FAF1: variants seen among roughly 807,000 people sequenced by gnomAD.
The protein encoded by FAF1 is FAS-associated factor 1.
Under a neutral mutation model 92.5 loss-of-function variants are expected in FAF1, and 25 were observed. The observed-to-expected ratio is 0.27, with a 90% CI of 0.20 to 0.38. The LOEUF is 0.38. FAF1 is among the 10% of genes least tolerant of loss of function. The pLI, the probability that FAF1 is intolerant of heterozygous loss-of-function variation, is 1.00. For synonymous variants in FAF1, 234 were observed against 273.2 expected, an observed-to-expected ratio of 0.86 and a Z score of 1.42; for missense variants, 636 against 793.3, an observed-to-expected ratio of 0.80 and a Z score of 2.38.
chr1:50,855,563 A>G (rs1570057364), intron 2 of FAF1, among the ~76,000 whole-genome samples: 1 of 152,006 alleles, frequency 6.6e-6, no homozygotes, highest in East Asian at 1.9e-4. Context: ...ACAAACTATA[A>G]CACACAGGCA....
intron 1 of FAF1, among the ~76,000 whole-genome samples, chr1:50,938,389 C>T (rs1417915674): frequency 6.6e-6 from 1 of 152,168 alleles, no homozygotes; most frequent in Non-Finnish European, 1.5e-5. Context: ...CACCAGTACC[C>T]TTTCATCAAA....
At chr1:50,911,363 C>T (rs1442963713) in intron 1 of FAF1, among the ~76,000 whole-genome samples, 3 of 151,402 alleles carry the variant, frequency 2.0e-5, no homozygotes, top group African/African-American at 4.8e-5. Flanking sequence ...TGAGCCACCA[C>T]ACCTGGCTGC....
chr1:50,502,048 A>G (rs1017830830), intron 15 of FAF1, among the ~76,000 whole-genome samples: 3 of 152,224 alleles, frequency 2.0e-5, no homozygotes, highest in Admixed American at 2.0e-4. Context: ...TGTACAGAGC[A>G]GACAGGTGTG....
At chr1:50,747,066 C>A (rs1319410791) in intron 4 of FAF1, among the ~76,000 whole-genome samples, 2 of 152,188 alleles carry the variant, frequency 1.3e-5, no homozygotes. Flanking sequence ...CAGGCAGAAG[C>A]CCTCATGGAG....
intron 6 of FAF1, among the ~76,000 whole-genome samples, chr1:50,716,545 T>C (rs1423327499): frequency 6.6e-6 from 1 of 152,192 alleles, no homozygotes; most frequent in African/African-American, 2.4e-5. Flanking sequence ...TGTGTCTAGC[T>C]AGACAATTGT....
At chr1:50,576,379 T>G (rs1382192331) in intron 12 of FAF1, among the ~76,000 whole-genome samples, 1 of 152,182 alleles carries the variant, frequency 6.6e-6, no homozygotes, top group Non-Finnish European at 1.5e-5. Flanking sequence ...TGGTGTGAAG[T>G]CAGATCTTTG....
rs377267905 is a variant in FAF1 at position 50,799,003 on chromosome 1, G to A, written c.161+2628C>T. Among the ~76,000 whole-genome samples the A allele has an allele frequency of 1.9e-4, 29 of 152,192 alleles. No homozygotes were observed. The South Asian group carries it at 4.6e-3, about 24-fold the overall frequency. On this transcript the variant is annotated intron_variant, in intron 3 of 18. Coordinates refer to ENST00000396153, the MANE Select transcript of FAF1 (RefSeq NM_007051.3). ...CAAGTTGTATTTTTAGTAGAGACAGGGTTTTACCATGTTGGCCAGGCTGGT... is the reference window on the plus strand; with the variant it reads ...CAAGTTGTATTTTTAGTAGAGACAGAGTTTTACCATGTTGGCCAGGCTGGT...
chr1:50,693,338 A>G (rs1276490954), intron 7 of FAF1, among the ~76,000 whole-genome samples: 1 of 152,144 alleles, frequency 6.6e-6, no homozygotes, highest in Non-Finnish European at 1.5e-5. Flanking sequence ...CTGAAAATTA[A>G]TTGACCATAA....
Position 50,889,021 on chromosome 1 carries a change from A to G in FAF1, c.46-31024T>C, listed in dbSNP as rs559350594. On this transcript the variant is annotated intron_variant, in intron 1 of 18. Coordinates refer to ENST00000396153, the MANE Select transcript of FAF1 (RefSeq NM_007051.3). Reference sequence around the variant, plus strand: ...GACTTTTTTTGGTTGGTAAGCTATTAATTATTGCCTCAATTTCAGAGCCTG... The same window carrying G: ...GACTTTTTTTGGTTGGTAAGCTATTGATTATTGCCTCAATTTCAGAGCCTG... Among the ~76,000 whole-genome samples, 13 of 152,200 alleles carry G rather than the reference A, an allele frequency of 8.5e-5. No homozygotes were observed. The South Asian group carries it at 2.7e-3, about 32-fold the overall frequency.
chr1:50,790,793 A>G (rs1414740506), intron 3 of FAF1, among the ~76,000 whole-genome samples: 1 of 151,894 alleles, frequency 6.6e-6, no homozygotes, highest in Non-Finnish European at 1.5e-5. Context: ...ATTTATATTT[A>G]TATTTATTTT....
In FAF1 at chr1:50,862,236, A is replaced by T. The variant is rs1358076009; in HGVS notation, c.46-4239T>A. 2.0e-4 allele frequency among the ~76,000 whole-genome samples: 30 copies of T among 151,856 alleles called. No homozygotes were observed. The Admixed American group carries it at 2.0e-3, about 10-fold the overall frequency. On this transcript the variant is annotated intron_variant, in intron 1 of 18. Coordinates refer to ENST00000396153, the MANE Select transcript of FAF1 (RefSeq NM_007051.3). ...AAAGTATGTGGCCCATTCAAGAGAG[A>T]AATTAACAGAAGCTGTACAGAGGAA...
chr1:50,546,261 A>G (rs1198946588), intron 13 of FAF1, among the ~76,000 whole-genome samples: 3 of 152,246 alleles, frequency 2.0e-5, no homozygotes. Flanking sequence ...ATTAACTGAT[A>G]TGGAATATCT....
chr1:50,814,602 C>G (rs147076437), intron 2 of FAF1, among the ~76,000 whole-genome samples: 2 of 151,998 alleles, frequency 1.3e-5, no homozygotes, highest in African/African-American at 4.8e-5. Flanking sequence ...TTATGCTAAG[C>G]GAATAGTTAG....
intron 2 of FAF1, among the ~76,000 whole-genome samples, chr1:50,826,308 T>C (rs1413019377): frequency 6.6e-6 from 1 of 152,058 alleles, no homozygotes; most frequent in Non-Finnish European, 1.5e-5. Context: ...CCCAGCACTT[T>C]TGGAGGCTGA....
Position 50,582,700 on chromosome 1 carries a change from C to G in FAF1, c.1032-1G>C. 6.3e-7 allele frequency: 1 copy of G among 1,592,220 alleles called. No homozygotes were observed. The highest frequency in any genetic ancestry group is 8.6e-7 in the Non-Finnish European group (1 of 1,160,518). On this transcript the variant is annotated splice_acceptor_variant, in intron 11 of 18. Coordinates refer to ENST00000396153, the MANE Select transcript of FAF1 (RefSeq NM_007051.3). LOFTEE classifies it high-confidence loss of function. Reference sequence around the variant, plus strand: ...AAATACAGGATGGCAATCACCATATCTATAGGAAAAAGTGAGTCTATTAAT... The same window carrying G: ...AAATACAGGATGGCAATCACCATATGTATAGGAAAAAGTGAGTCTATTAAT...
intron 15 of FAF1, among the ~76,000 whole-genome samples, chr1:50,514,183 G>T (rs889736294): frequency 6.6e-6 from 1 of 152,194 alleles, no homozygotes; most frequent in Non-Finnish European, 1.5e-5. Context: ...CTGCAGAGTT[G>T]TCACCATTTA....
At chr1:50,718,260 C>T (rs1423512295) in intron 6 of FAF1, among the ~76,000 whole-genome samples, 7 of 152,212 alleles carry the variant, frequency 4.6e-5, no homozygotes, top group Admixed American at 4.6e-4. Context: ...CAACTCCTGA[C>T]CTTGTGATCC....
intron 6 of FAF1, among the ~76,000 whole-genome samples, chr1:50,737,470 A>G (rs956493955): frequency 6.6e-6 from 1 of 152,226 alleles, no homozygotes; most frequent in East Asian, 1.9e-4. Context: ...AATGTTCTAC[A>G]TGACTAGATA....
chr1:50,909,950 AAGAGGCACTCTGATTTTT>A (rs1321169029), intron 1 of FAF1, among the ~76,000 whole-genome samples: 4 of 152,110 alleles, frequency 2.6e-5, no homozygotes, highest in African/African-American at 9.7e-5. Flanking sequence ...TCTGGAGGAG[AAGAGGCACTCTGATTTTT>A]AGAATTTTCA....
Sources: allele counts gnomAD v4.1 joint callset (sites outside exome capture counted in the v4.1 genomes callset), GRCh38; gene constraint gnomAD v4.1.1; transcripts MANE v1.5; gene names NCBI Gene and HGNC (gene_info 2026-07-23, HGNC 2026-07-21).